ALDH1A2: variants seen among roughly 807,000 people sequenced by gnomAD.
The protein encoded by ALDH1A2 is retinal dehydrogenase 2.
Under a neutral mutation model 60.3 loss-of-function variants are expected in ALDH1A2, and 27 were observed. The observed-to-expected ratio is 0.45, with a 90% CI of 0.33 to 0.62. The LOEUF is 0.62. Ranked by LOEUF, ALDH1A2 falls within the 20% of genes least tolerant of loss-of-function variation. The pLI is 0.02. For synonymous variants in ALDH1A2, 289 were observed against 232.4 expected, an observed-to-expected ratio of 1.24 and a Z score of -2.21; for missense variants, 581 against 643.8, an observed-to-expected ratio of 0.90 and a Z score of 1.06.
At chr15:57,965,852 G>A in intron 7 of ALDH1A2, 25 bp from the exon 8 acceptor site, 1 of 1,599,066 alleles carries the variant, frequency 6.3e-7, no homozygotes, top group Non-Finnish European at 8.6e-7. Flanking sequence ...ATGGAGACAG[G>A]TTTTGCAAAT....
At chr15:57,987,311 A>G (rs921321927) in intron 7 of ALDH1A2, among the ~76,000 whole-genome samples, 6 of 152,218 alleles carry the variant, frequency 3.9e-5, no homozygotes, top group African/African-American at 1.4e-4. Context: ...CTATAAACTC[A>G]CAGATATACA....
chr15:57,985,134 C>G (rs879350471), intron 7 of ALDH1A2, among the ~76,000 whole-genome samples: 18 of 152,102 alleles, frequency 1.2e-4, no homozygotes, highest in Admixed American at 5.2e-4. Context: ...TTTTTTGACC[C>G]AGAATTATTT....
intron 1 of ALDH1A2, among the ~76,000 whole-genome samples, chr15:58,064,239 T>C (rs1035750105): frequency 1.3e-5 from 2 of 152,198 alleles, no homozygotes; most frequent in African/African-American, 2.4e-5. Flanking sequence ...ACTATTGTTA[T>C]GCAAACAATG....
chr15:57,964,270 G>T, intron 8 of ALDH1A2: 1 of 595,918 alleles, frequency 1.7e-6, no homozygotes, highest in Admixed American at 2.9e-5. Context: ...TCACTTCTTT[G>T]GGTCTCTTTC....
rs1893694550 is a variant in ALDH1A2 at position 57,960,866 on chromosome 15, C to T, written c.1410-22G>A. ...GATCCTGAAAGAAGAAAACATAGCACTGTGAGTTCGTGTGAAGTCTGAGCA... is the reference window on the plus strand; with the variant it reads ...GATCCTGAAAGAAGAAAACATAGCATTGTGAGTTCGTGTGAAGTCTGAGCA... On this transcript the variant is annotated intron_variant, in intron 11 of 12. Coordinates refer to ENST00000249750, the MANE Select transcript of ALDH1A2 (RefSeq NM_003888.4). The T allele has an allele frequency of 3.7e-6, 6 of 1,606,336 alleles. No homozygotes were observed. The East Asian group carries it at 1.3e-4, about 36-fold the overall frequency.
chr15:58,027,055 A>G (rs1208690730), intron 1 of ALDH1A2, among the ~76,000 whole-genome samples: 2 of 152,130 alleles, frequency 1.3e-5, no homozygotes, highest in Admixed American at 6.5e-5. Context: ...GAGCTATGAG[A>G]ATGGACAAAC....
intron 1 of ALDH1A2, among the ~76,000 whole-genome samples, chr15:58,020,804 T>A (rs144921711): frequency 6.6e-6 from 1 of 152,228 alleles, no homozygotes; most frequent in East Asian, 1.9e-4. Context: ...TGATTGTCAT[T>A]AACGTTTTAT....
chr15:57,957,563 A>T (rs1267289470), intron 12 of ALDH1A2, among the ~76,000 whole-genome samples: 1 of 152,224 alleles, frequency 6.6e-6, no homozygotes, highest in Non-Finnish European at 1.5e-5. Context: ...TCACTGATGC[A>T]CGAAAGGTAT....
intron 1 of ALDH1A2, among the ~76,000 whole-genome samples, chr15:58,024,321 T>C (rs189173119): frequency 6.6e-6 from 1 of 152,116 alleles, no homozygotes; most frequent in East Asian, 1.9e-4. Flanking sequence ...TTATACTGCC[T>C]AGAAGAAACT....
intron 1 of ALDH1A2, among the ~76,000 whole-genome samples, chr15:58,039,326 C>A (rs1249622063): frequency 6.6e-6 from 1 of 151,542 alleles, no homozygotes; most frequent in African/African-American, 2.4e-5. Flanking sequence ...TATTTGACAG[C>A]AAATGTTCCT....
At chr15:58,055,272 T>C (rs1896868466) in intron 1 of ALDH1A2, among the ~76,000 whole-genome samples, 1 of 152,102 alleles carries the variant, frequency 6.6e-6, no homozygotes, top group African/African-American at 2.4e-5. Context: ...CATCGTAGTG[T>C]TGCCCCAAGA....
At chr15:57,979,351 G>A (rs1595632755) in intron 7 of ALDH1A2, among the ~76,000 whole-genome samples, 3 of 152,132 alleles carry the variant, frequency 2.0e-5, no homozygotes, top group Non-Finnish European at 2.9e-5. Flanking sequence ...ACCACAAACT[G>A]ATCGGCTGAC....
At chr15:57,967,290 T>A (rs1370234231) in intron 7 of ALDH1A2, among the ~76,000 whole-genome samples, 3 of 152,086 alleles carry the variant, frequency 2.0e-5, no homozygotes, top group African/African-American at 7.2e-5. Flanking sequence ...ACTATGTACT[T>A]CAGAATTATA....
rs1895604895 is a variant in ALDH1A2 at position 58,010,658 on chromosome 15, T to TA, written c.483_484insT (p.Ile162TyrfsTer14). 1.2e-6 allele frequency: 2 copies of TA among 1,613,172 alleles called. No individual in the cohort carries two copies. The highest frequency in any genetic ancestry group is 1.7e-6 in the Non-Finnish European group (2 of 1,179,348). On this transcript the variant is annotated frameshift_variant, in exon 4 of 13. Coordinates refer to ENST00000249750, the MANE Select transcript of ALDH1A2 (RefSeq NM_003888.4). LOFTEE classifies it high-confidence loss of function. ...CTCAGATTTCACATACCTACAGGAATGGTCATCCCATGAATTTTATCAGCC... is the reference window on the plus strand; with the variant it reads ...CTCAGATTTCACATACCTACAGGAATAGGTCATCCCATGAATTTTATCAGCC...
At chr15:58,037,898 C>T (rs528319215) in intron 1 of ALDH1A2, among the ~76,000 whole-genome samples, 2 of 151,638 alleles carry the variant, frequency 1.3e-5, no homozygotes, top group Non-Finnish European at 3.0e-5. Flanking sequence ...CAAAAAGACA[C>T]ACTTTGTGTT....
At chr15:57,956,860 C>T (rs768900925) in intron 12 of ALDH1A2, among the ~76,000 whole-genome samples, 2 of 152,188 alleles carry the variant, frequency 1.3e-5, no homozygotes, top group Non-Finnish European at 2.9e-5. Flanking sequence ...CCCCATGTGA[C>T]TCTCTAACTA....
intron 7 of ALDH1A2, among the ~76,000 whole-genome samples, chr15:57,969,530 C>T (rs1352349474): frequency 6.6e-6 from 1 of 152,078 alleles, no homozygotes; most frequent in African/African-American, 2.4e-5. Context: ...GGATACTGTC[C>T]CTCCTGACAT....
intron 1 of ALDH1A2, among the ~76,000 whole-genome samples, chr15:58,014,938 T>C (rs1895746756): frequency 6.6e-6 from 1 of 152,158 alleles, no homozygotes. Flanking sequence ...AAAGGCTTGG[T>C]CTCCCTATGT....
chr15:57,974,071 A>G (rs577584062), intron 7 of ALDH1A2, among the ~76,000 whole-genome samples: 1 of 152,318 alleles, frequency 6.6e-6, no homozygotes, highest in South Asian at 2.1e-4. Context: ...TTATAAAGCT[A>G]TAATAGTCAA....
Sources: allele counts gnomAD v4.1 joint callset (sites outside exome capture counted in the v4.1 genomes callset), GRCh38; gene constraint gnomAD v4.1.1; transcripts MANE v1.5; gene names NCBI Gene and HGNC (gene_info 2026-07-23, HGNC 2026-07-21).